Variants in BANK1 observed in about 807,000 individuals in gnomAD.
The protein encoded by BANK1 is B cell scaffold protein with ankyrin repeats 1, also known as B-cell scaffold protein with ankyrin repeats.
A neutral mutation model predicts 94.5 loss-of-function variants in BANK1; 95 were observed. The observed-to-expected ratio is 1.00, with a 90% CI of 0.85 to 1.19. BANK1 has a LOEUF of 1.19. Among genes scored for constraint, BANK1 ranks in the 50% most tolerant of loss-of-function variants. The pLI, the probability that BANK1 is intolerant of heterozygous loss-of-function variation, is 0.00. For missense variants in BANK1, 987 were observed against 932.2 expected, an observed-to-expected ratio of 1.06 and a Z score of -0.77; for synonymous variants, 334 against 308.4, an observed-to-expected ratio of 1.08 and a Z score of -0.87.
chr4:102,017,601 C>T (rs965666096), intron 7 of BANK1, among the ~76,000 whole-genome samples: 5 of 152,170 alleles, frequency 3.3e-5, no homozygotes, highest in Non-Finnish European at 7.3e-5. Flanking sequence ...TGAAAGCTAA[C>T]CATTTTCAAT....
At chr4:101,823,486 G>A (rs144448136) in intron 1 of BANK1, among the ~76,000 whole-genome samples, 16 of 152,232 alleles carry the variant, frequency 1.1e-4, no homozygotes, top group Non-Finnish European at 1.8e-4. Flanking sequence ...TTGGCCATGC[G>A]TGTGATAAGC....
intron 2 of BANK1, among the ~76,000 whole-genome samples, chr4:101,834,153 T>C (rs137951664): frequency 2.6e-5 from 4 of 152,318 alleles, no homozygotes; most frequent in African/African-American, 9.6e-5. Flanking sequence ...TTTTGTTTTA[T>C]GATGAGTATT....
At chr4:101,928,122 T>C (rs1723225941) in intron 7 of BANK1, among the ~76,000 whole-genome samples, 1 of 151,654 alleles carries the variant, frequency 6.6e-6, no homozygotes, top group Non-Finnish European at 1.5e-5. Flanking sequence ...CCTTTCCAAA[T>C]ATTGGAAAGA....
At chr4:101,927,477 C>A (rs1336041410) in intron 7 of BANK1, among the ~76,000 whole-genome samples, 5 of 151,478 alleles carry the variant, frequency 3.3e-5, no homozygotes, top group Admixed American at 3.3e-4. Context: ...GATCACAGAC[C>A]ATACAGGGCA....
chr4:101,930,810 C>T (rs1453967734), intron 7 of BANK1, among the ~76,000 whole-genome samples: 1 of 151,500 alleles, frequency 6.6e-6, no homozygotes, highest in Non-Finnish European at 1.5e-5. Flanking sequence ...CACTAGATTA[C>T]ATCTAATACT....
At chr4:102,066,411 T>G (rs544810661) in intron 13 of BANK1, among the ~76,000 whole-genome samples, 9 of 152,172 alleles carry the variant, frequency 5.9e-5, no homozygotes, top group African/African-American at 1.9e-4. Flanking sequence ...CACCCGCCAC[T>G]ACGCCCGGCT....
At chr4:101,797,285 G>T (rs1347539076) in intron 1 of BANK1, among the ~76,000 whole-genome samples, 3 of 152,110 alleles carry the variant, frequency 2.0e-5, no homozygotes, top group Non-Finnish European at 4.4e-5. Context: ...GATGTGACAA[G>T]GTTACACTCA....
intron 9 of BANK1, among the ~76,000 whole-genome samples, chr4:102,029,632 C>T (rs1022122967): frequency 6.7e-6 from 1 of 149,164 alleles, no homozygotes; most frequent in Non-Finnish European, 1.5e-5. Flanking sequence ...ATTGCTCTCT[C>T]TCTACACAAA....
chr4:102,016,938 T>C (rs561403242), intron 7 of BANK1, among the ~76,000 whole-genome samples: 1 of 152,196 alleles, frequency 6.6e-6, no homozygotes, highest in East Asian at 1.9e-4. Context: ...GAGAGTGCAT[T>C]CTGTAAAAAG....
At chr4:101,909,052 A>T (rs1722565902) in intron 6 of BANK1, among the ~76,000 whole-genome samples, 1 of 152,216 alleles carries the variant, frequency 6.6e-6, no homozygotes, top group South Asian at 2.1e-4. Context: ...CCATCCCATT[A>T]CTGGGTGTAT....
chr4:101,900,635 C>T (rs1190318045), intron 6 of BANK1, among the ~76,000 whole-genome samples: 2 of 151,804 alleles, frequency 1.3e-5, no homozygotes, highest in Non-Finnish European at 1.5e-5. Flanking sequence ...AAAGAGAGGA[C>T]GGGTCTGTGT....
chr4:101,830,726 A>G (rs906041530), intron 2 of BANK1, among the ~76,000 whole-genome samples: 8 of 152,184 alleles, frequency 5.3e-5, no homozygotes, highest in Non-Finnish European at 1.0e-4. Context: ...TGCAGCTTAC[A>G]ATGTTAAAGC....
chr4:101,847,128 C>G (rs972571912), intron 2 of BANK1, among the ~76,000 whole-genome samples: 2 of 151,750 alleles, frequency 1.3e-5, no homozygotes, highest in African/African-American at 2.4e-5. Context: ...ACATAGTTGG[C>G]TGGTAAATAT....
chr4:102,037,852 T>G lies in BANK1; in HGVS notation c.1901-5987T>G, dbSNP rs1380601562. ...AGTTCCTGTGATGGAAGGTATTCTG[T>G]AGACACAGAGGTGAAAGTAGACCTG... On this transcript the variant is annotated intron_variant, in intron 10 of 16. Coordinates refer to ENST00000322953, the MANE Select transcript of BANK1 (RefSeq NM_017935.5). Among the ~76,000 whole-genome samples the G allele has an allele frequency of 2.6e-5, 4 of 152,182 alleles. No individual in the cohort carries two copies. In the East Asian group the frequency reaches 7.7e-4, roughly 29 times the overall value.
At chr4:102,024,549 T>C (rs553039088) in intron 8 of BANK1, among the ~76,000 whole-genome samples, 46 of 152,236 alleles carry the variant, frequency 3.0e-4, no homozygotes, top group Non-Finnish European at 5.3e-4. Context: ...GATCATTTGG[T>C]TAAATTTCTG....
chr4:102,030,214 C>A lies in BANK1; in HGVS notation c.1849C>A (p.Arg617=). The change falls in exon 10 of 17, where the codon CGA becomes AGA. Residue 617 remains arginine, a synonymous_variant. Transcript: ENST00000322953. ...IINRPPAPTP[R]PTSIPPKEET... ...AAATAGACCTCCTGCCCCCACACCC[C>A]GACCCACAAGTATACCTCCAAAAGA... The A allele has an allele frequency of 1.2e-6, 2 of 1,612,588 alleles. No homozygotes were observed. The highest frequency in any genetic ancestry group is 2.2e-5 in the South Asian group (2 of 90,634).
At chr4:101,900,717 A>G (rs1257446552) in intron 6 of BANK1, among the ~76,000 whole-genome samples, 1 of 152,250 alleles carries the variant, frequency 6.6e-6, no homozygotes, top group African/African-American at 2.4e-5. Context: ...TAGAGGTGCT[A>G]TGGCAAGAAT....
At chr4:101,881,219 C>T (rs35205296) in intron 5 of BANK1, among the ~76,000 whole-genome samples, 6,482 of 151,334 alleles carry the variant, frequency 0.043, 189 homozygotes, top group Non-Finnish European at 0.061. Flanking sequence ...CTCAAACAAC[C>T]CTATGGAAAA....
intron 1 of BANK1, among the ~76,000 whole-genome samples, chr4:101,803,832 C>A (rs1725442523): frequency 6.7e-6 from 1 of 149,984 alleles, no homozygotes; most frequent in South Asian, 2.1e-4. Context: ...CCCGTCTCTA[C>A]TAAAAATACA....
Sources: gnomAD v4.1 joint callset for allele counts (sites outside exome capture counted in the v4.1 genomes callset) on GRCh38, gnomAD v4.1.1 for gene constraint, MANE v1.5 for transcripts, NCBI Gene and HGNC (gene_info 2026-07-23, HGNC 2026-07-21) for gene names.